CKAP5: variants seen among roughly 807,000 people sequenced by gnomAD.
CKAP5 encodes cytoskeleton-associated protein 5.
A neutral mutation model predicts 232.8 loss-of-function variants in CKAP5; 27 were observed. The ratio of observed to expected loss-of-function variants is 0.12; its 90% CI spans 0.09 to 0.16. The LOEUF (loss-of-function observed/expected upper bound fraction) is 0.16, where lower values mean the gene tolerates loss of function less well. CKAP5 is among the 10% of genes least tolerant of loss of function. CKAP5 has a pLI of 1.00. For synonymous variants in CKAP5, 785 were observed against 841.1 expected (o/e 0.93, Z 1.16); for missense variants, 1,838 against 2,424.7 (o/e 0.76, Z 5.08).
At chr11:46,787,944 G>A (rs918031885) in intron 16 of CKAP5, among the ~76,000 whole-genome samples, 43 of 152,086 alleles carry the variant, frequency 2.8e-4, no homozygotes, top group Non-Finnish European at 3.1e-4. Flanking sequence ...TGAAGATGAT[G>A]GGAATTGAAG....
chr11:46,832,689 TC>T (rs942558682), intron 1 of CKAP5, among the ~76,000 whole-genome samples: 5 of 152,244 alleles, frequency 3.3e-5, no homozygotes, highest in Admixed American at 1.3e-4. Flanking sequence ...GATATTATTA[TC>T]CCTATTTAAT....
At chr11:46,752,193 TACACACAC>T (rs1156472710) in intron 38 of CKAP5, among the ~76,000 whole-genome samples, 38 of 66,498 alleles carry the variant, frequency 5.7e-4, no homozygotes, top group African/African-American at 1.8e-3. Context: ...TATATATATA[TACACACAC>T]ACACACACAC....
chr11:46,787,477 C>T (rs2065405871), intron 16 of CKAP5, among the ~76,000 whole-genome samples: 1 of 152,162 alleles, frequency 6.6e-6, no homozygotes, highest in South Asian at 2.1e-4. Context: ...TCCTATACTT[C>T]CCTCTATACC....
At chr11:46,800,690 T>C (rs10769208) in intron 9 of CKAP5, among the ~76,000 whole-genome samples, 97,553 of 152,090 alleles carry the variant, frequency 0.64, 33,027 homozygotes, top group Non-Finnish European at 0.77. Context: ...AGATAACCTA[T>C]ATAAAATATA....
rs1326516110 is a variant in CKAP5, at chr11:46,809,808, G to A, written c.697C>T (p.Arg233Cys). ...TSAPRPTRFL[R>C]SQQELEAKLE... ...TTAGCTTCTAGTTCTTGTTGGGAACGAAGAAATCGAGTAGGTCTAGGAGCA... is the reference window on the plus strand; with the variant it reads ...TTAGCTTCTAGTTCTTGTTGGGAACAAAGAAATCGAGTAGGTCTAGGAGCA... The change falls in exon 6 of 44, where the codon CGT (arginine) becomes TGT (cysteine). Residue 233 changes from arginine (R) to cysteine (C), a missense_variant. Arg to Cys is a radical substitution (Grantham distance 180). Transcript: ENST00000529230. 8 of 1,613,946 alleles carry A rather than the reference G, an allele frequency of 5.0e-6. No individual in the cohort carries two copies. The East Asian group carries it at 6.7e-5, about 13-fold the overall frequency.
chr11:46,787,721 A>G (rs1158991203), intron 16 of CKAP5, among the ~76,000 whole-genome samples: 6 of 152,208 alleles, frequency 3.9e-5, no homozygotes, highest in African/African-American at 1.2e-4. Context: ...ATATATCTAA[A>G]TTATACAAAT....
At chr11:46,814,319 G>C (rs997416919) in intron 4 of CKAP5, among the ~76,000 whole-genome samples, 1 of 152,000 alleles carries the variant, frequency 6.6e-6, no homozygotes, top group African/African-American at 2.4e-5. Context: ...ATTGTAATAG[G>C]CTAGAAACAA....
intron 42 of CKAP5, among the ~76,000 whole-genome samples, chr11:46,748,894 C>T (rs1334203589): frequency 1.3e-5 from 2 of 151,660 alleles, no homozygotes; most frequent in Admixed American, 6.5e-5. Flanking sequence ...TGCAGTGATG[C>T]GATCTCGGCC....
chr11:46,756,418 G>A (rs1025925815), intron 35 of CKAP5, among the ~76,000 whole-genome samples: 19 of 152,018 alleles, frequency 1.2e-4, no homozygotes, highest in African/African-American at 4.3e-4. Flanking sequence ...TTACAGAAAC[G>A]TTGAAAGGGT....
chr11:46,760,508 T>G, intron 33 of CKAP5, 104 bp downstream of exon 33: 1 of 1,087,216 alleles, frequency 9.2e-7, no homozygotes, highest in Non-Finnish European at 1.4e-6. Context: ...CTGTCATGCA[T>G]GATAATGGCT....
At chr11:46,797,520 C>T (rs527579405) in intron 11 of CKAP5, among the ~76,000 whole-genome samples, 2 of 152,312 alleles carry the variant, frequency 1.3e-5, no homozygotes, top group African/African-American at 2.4e-5. Context: ...AAATACTCCA[C>T]ATTTGATGCC....
At chr11:46,790,402 C>T in intron 14 of CKAP5, 68 bp downstream of exon 14, 1 of 1,161,284 alleles carries the variant, frequency 8.6e-7, no homozygotes, top group South Asian at 1.3e-5. Context: ...CAGCAAAGAA[C>T]TCCAGTCTTC....
In CKAP5 at chr11:46,802,959, T is replaced by C. The variant is rs1194245630; in HGVS notation, c.979-1655A>G. Among the ~76,000 whole-genome samples, 3 of 152,162 alleles carry C rather than the reference T, an allele frequency of 2.0e-5. No individual in the cohort carries two copies. In the East Asian group the frequency reaches 5.8e-4, roughly 29 times the overall value. On this transcript the variant is annotated intron_variant, in intron 8 of 43. Transcript: ENST00000529230. ...AAACCCTATGAGGTAAGGACTATTA[T>C]TATTTCAACTTTGCAGATTCACAGC...
Position 46,798,085 on chromosome 11 carries a change from T to C in CKAP5, c.1171A>G (p.Thr391Ala). The change falls in exon 10 of 44, where the codon ACT becomes GCT. Residue 391 changes from threonine (T) to alanine (A), a missense_variant and splice_region_variant. By Grantham distance (58) the Thr-to-Ala change is moderately conservative (BLOSUM62 0). Transcript: ENST00000529230. ...LQEAIDAIFL[T>A]TTLQNISEDV... ...ACAAACTCATGCTGTCAACTTACAG[T>C]AAGGAAGATTGCATCAATTGCCTCC... is the stretch of plus-strand genomic sequence containing the variant. The C allele has an allele frequency of 6.2e-7, 1 of 1,613,430 alleles. No individual in the cohort carries two copies. The highest frequency in any genetic ancestry group is 8.5e-7 in the Non-Finnish European group (1 of 1,179,508).
rs2065290521 is a variant in CKAP5 at position 46,776,304 on chromosome 11, TCTC to T, written c.2939_2941del (p.Gly980del). 4 of 1,613,996 alleles carry T rather than the reference TCTC, an allele frequency of 2.5e-6. No homozygotes were observed. The highest frequency in any genetic ancestry group is 1.1e-5 in the South Asian group (1 of 91,064). On this transcript the variant is annotated inframe_deletion, in exon 24 of 44. Transcript: ENST00000529230. ...CTTTTTGAGCTCTTCAGAAAGATCTTCTCCTTCCAGCCATTCCTTCATGCCAGT... is the reference window on the plus strand; with the variant it reads ...CTTTTTGAGCTCTTCAGAAAGATCTTCTTCCAGCCATTCCTTCATGCCAGT...
intron 2 of CKAP5, among the ~76,000 whole-genome samples, chr11:46,819,349 G>A (rs955967301): frequency 2.6e-5 from 4 of 152,138 alleles, no homozygotes; most frequent in Non-Finnish European, 4.4e-5. Context: ...GAGAAGGGGA[G>A]TATGGTACAA....
chr11:46,842,510 T>C (rs1479032803), intron 1 of CKAP5, among the ~76,000 whole-genome samples: 1 of 152,192 alleles, frequency 6.6e-6, no homozygotes, highest in African/African-American at 2.4e-5. Flanking sequence ...ATAACCTTAC[T>C]GTTGCAAAAT....
chr11:46,755,084 C>CA lies in CKAP5; in HGVS notation c.4690-18dup, dbSNP rs2065100237. 1 of 1,579,834 alleles carries CA rather than the reference C, an allele frequency of 6.3e-7. No homozygotes were observed. Among genetic ancestry groups the CA allele is most frequent in the Non-Finnish European group, 8.6e-7 (1 of 1,164,204 alleles). On this transcript the variant is annotated splice_polypyrimidine_tract_variant and intron_variant, in intron 35 of 43. Coordinates refer to ENST00000529230, the MANE Select transcript of CKAP5 (RefSeq NM_001008938.4). The stretch of plus-strand genomic sequence containing the variant: ...CTCATCGATCTGATAACAAAAATTT[C>CA]AAGATATATTTTCCAAGCTTCATAC...
chr11:46,794,337 G>A (rs1938816566), intron 13 of CKAP5, among the ~76,000 whole-genome samples: 1 of 152,058 alleles, frequency 6.6e-6, no homozygotes, highest in Non-Finnish European at 1.5e-5. Flanking sequence ...GGTGGCACGT[G>A]CTTCTGGTCC....
Sources: allele counts gnomAD v4.1 joint callset (sites outside exome capture counted in the v4.1 genomes callset), GRCh38; gene constraint gnomAD v4.1.1; transcripts MANE v1.5; gene names NCBI Gene and HGNC (gene_info 2026-07-23, HGNC 2026-07-21).